Variants in TMEM200A observed in about 807,000 individuals in gnomAD.
TMEM200A encodes the protein transmembrane protein 200A.
A neutral mutation model predicts 24.3 loss-of-function variants in TMEM200A; 12 were observed. That is an observed-to-expected ratio of 0.49 (90% CI 0.32 to 0.80). The LOEUF (loss-of-function observed/expected upper bound fraction) is 0.80. Ranked by LOEUF, TMEM200A falls within the 30% of genes least tolerant of loss-of-function variation. TMEM200A has a pLI of 0.04. For synonymous variants in TMEM200A, 224 were observed against 224.4 expected, an observed-to-expected ratio of 1.00 and a Z score of 0.02; for missense variants, 545 against 614.4, an observed-to-expected ratio of 0.89 and a Z score of 1.19.
upstream of TMEM200A, chr6:130,365,573 G>A (rs983361072): frequency 1.0e-5 from 10 of 985,288 alleles, no homozygotes; most frequent in African/African-American, 1.7e-4. Context: ...CGAGTCGGCT[G>A]GAGCTCCCCA....
In TMEM200A at chr6:130,375,423, C is replaced by A. The variant is rs376392886; in HGVS notation, c.-81+8899C>A. 1.9e-4 allele frequency among the ~76,000 whole-genome samples: 29 copies of A among 152,258 alleles called. No homozygotes were observed. The East Asian group carries it at 4.8e-3, about 25-fold the overall frequency. On this transcript the variant is annotated intron_variant, in intron 1 of 2. Coordinates refer to ENST00000296978, the MANE Select transcript of TMEM200A (RefSeq NM_001258277.2). ...AAGGTTTATTAATTAATAAAGGATT[C>A]ATTAAATATTTGTGCTGCCAGCTGG...
intron 2 of TMEM200A, among the ~76,000 whole-genome samples, chr6:130,428,101 A>ATTCT (rs796728513): frequency 3.3e-5 from 5 of 152,246 alleles, no homozygotes; most frequent in African/African-American, 1.2e-4. Flanking sequence ...ACTGCTAGGC[A>ATTCT]TTCTTTCTGA....
chr6:130,421,829 C>G (rs540040259), intron 2 of TMEM200A, among the ~76,000 whole-genome samples: 1 of 152,168 alleles, frequency 6.6e-6, no homozygotes, highest in African/African-American at 2.4e-5. Context: ...ATAATGTCTT[C>G]CAGATTGACT....
intron 2 of TMEM200A, among the ~76,000 whole-genome samples, chr6:130,406,204 A>T (rs1006485814): frequency 2.0e-5 from 3 of 152,154 alleles, no homozygotes; most frequent in African/African-American, 4.8e-5. Flanking sequence ...TTTGATTTTT[A>T]AAAATATATA....
intron 2 of TMEM200A, among the ~76,000 whole-genome samples, chr6:130,435,148 CT>C (rs978142084): frequency 6.1e-4 from 92 of 150,698 alleles, no homozygotes; most frequent in Admixed American, 4.0e-3. Flanking sequence ...ATATTTGTCT[CT>C]TTTTTTTTCT....
At chr6:130,401,391 T>G (rs73614166) in intron 2 of TMEM200A, among the ~76,000 whole-genome samples, 1 of 84,066 alleles carries the variant, frequency 1.2e-5, no homozygotes, top group Non-Finnish European at 2.0e-5. Context: ...GCTTGCTTGC[T>G]TCTTTCTTTC....
At chr6:130,428,595 A>ACTT (rs1285862533) in intron 2 of TMEM200A, among the ~76,000 whole-genome samples, 1 of 152,200 alleles carries the variant, frequency 6.6e-6, no homozygotes, top group African/African-American at 2.4e-5. Context: ...ATTGATTGAT[A>ACTT]CTTCAGTGGT....
chr6:130,399,797 A>T (rs1344527593), intron 2 of TMEM200A, among the ~76,000 whole-genome samples: 1 of 151,814 alleles, frequency 6.6e-6, no homozygotes, highest in Non-Finnish European at 1.5e-5. Context: ...CAAGCAATAT[A>T]CACTGCACCA....
intron 2 of TMEM200A, among the ~76,000 whole-genome samples, chr6:130,392,863 T>A (rs1338512738): frequency 6.6e-6 from 1 of 152,260 alleles, no homozygotes; most frequent in Non-Finnish European, 1.5e-5. Flanking sequence ...TCTTGATTTA[T>A]TTCCCCCACT....
chr6:130,394,335 C>T (rs1778900618), intron 2 of TMEM200A, among the ~76,000 whole-genome samples: 1 of 152,148 alleles, frequency 6.6e-6, no homozygotes, highest in Admixed American at 6.5e-5. Context: ...ATTGAAATTC[C>T]CTTTCGCACC....
rs1318151722 is a variant in TMEM200A at position 130,366,110 on chromosome 6, C to T, written c.-495C>T. 9 of 985,490 alleles carry T rather than the reference C, an allele frequency of 9.1e-6. No homozygotes were observed. The highest frequency in any genetic ancestry group is 9.6e-6 in the Non-Finnish European group (8 of 830,106). 61.0% of individuals were successfully genotyped at this position (985,490 alleles called of 1,614,324 possible). On this transcript the variant is annotated 5_prime_UTR_variant, in exon 1 of 3. Coordinates refer to ENST00000296978, the MANE Select transcript of TMEM200A (RefSeq NM_001258277.2). The surrounding 1 kb of genome is among the most constrained non-coding windows in gnomAD (Gnocchi z 4.4). The stretch of plus-strand genomic sequence containing the variant: ...GCGGCGCCGCCTGAGCGGCGACTCC[C>T]TCTCCCCTGCCCGGCTTGCTGCGCC...
chr6:130,389,460 A>C (rs1182275336), intron 2 of TMEM200A, among the ~76,000 whole-genome samples: 1 of 152,148 alleles, frequency 6.6e-6, no homozygotes, highest in Non-Finnish European at 1.5e-5. Context: ...AGAGGTTATA[A>C]GCTTGAAAGT....
rs549623605 is a variant in TMEM200A at position 130,385,794 on chromosome 6, A to G, written c.-17+558A>G. ...ATTTCATGATGCTATGTAATCTCAT[A>G]TTATTTTACATAAACTACAGAAATA... On this transcript the variant is annotated intron_variant, in intron 2 of 2. Transcript: ENST00000296978. Among the ~76,000 whole-genome samples, 3 of 152,294 alleles carry G rather than the reference A, an allele frequency of 2.0e-5. No homozygotes were observed. In the South Asian group the frequency reaches 6.2e-4, roughly 32 times the overall value.
At chr6:130,403,552 T>C (rs917143061) in intron 2 of TMEM200A, among the ~76,000 whole-genome samples, 1 of 141,172 alleles carries the variant, frequency 7.1e-6, no homozygotes, top group Non-Finnish European at 1.5e-5. Flanking sequence ...TTATATTTGA[T>C]AACATGTATT....
chr6:130,426,222 A>G (rs1010710163), intron 2 of TMEM200A, among the ~76,000 whole-genome samples: 5 of 152,088 alleles, frequency 3.3e-5, no homozygotes, highest in African/African-American at 1.2e-4. Flanking sequence ...GCCTCTCACT[A>G]CCTCGCCCAG....
At chr6:130,416,160 A>G (rs754321556) in intron 2 of TMEM200A, among the ~76,000 whole-genome samples, 7 of 152,178 alleles carry the variant, frequency 4.6e-5, no homozygotes, top group Non-Finnish European at 7.3e-5. Flanking sequence ...AGAGAACAGA[A>G]ATTAGTACTA....
At chr6:130,395,965 C>T (rs1476579509) in intron 2 of TMEM200A, among the ~76,000 whole-genome samples, 4 of 152,112 alleles carry the variant, frequency 2.6e-5, no homozygotes, top group African/African-American at 9.7e-5. Context: ...CTCCATCTTT[C>T]TCTCTGGAGT....
intron 2 of TMEM200A, among the ~76,000 whole-genome samples, chr6:130,434,710 CAT>C (rs1350789292): frequency 5.3e-5 from 8 of 152,130 alleles, no homozygotes; most frequent in Admixed American, 2.0e-4. Flanking sequence ...TAGTATTACA[CAT>C]GACTCACAAA....
chr6:130,371,997 G>C (rs1457981534), intron 1 of TMEM200A, among the ~76,000 whole-genome samples: 3 of 152,158 alleles, frequency 2.0e-5, no homozygotes, highest in South Asian at 2.1e-4. Flanking sequence ...ATTCCAGAAG[G>C]GTAAATATTA....
Sources: gnomAD v4.1 joint callset for allele counts (sites outside exome capture counted in the v4.1 genomes callset) on GRCh38, gnomAD v4.1.1 for gene constraint, Gnocchi (gnomAD v3.1) non-coding constraint, MANE v1.5 for transcripts, NCBI Gene and HGNC (gene_info 2026-07-23, HGNC 2026-07-21) for gene names.